Variants in ZNF423 observed in about 807,000 individuals in gnomAD.
ZNF423 encodes Ebf-associated zinc finger protein.
In ZNF423, 12 loss-of-function variants were observed where a neutral mutation model predicts 95.8. The ratio of observed to expected loss-of-function variants is 0.13; its 90% CI spans 0.08 to 0.20. The LOEUF (loss-of-function observed/expected upper bound fraction) is 0.20. ZNF423 is among the 10% of genes least tolerant of loss of function. ZNF423 has a pLI of 1.00. For synonymous variants in ZNF423, 749 were observed against 711.9 expected (o/e 1.05, Z -0.83); for missense variants, 1,316 against 1,737.1 (o/e 0.76, Z 4.31).
chr16:49,779,559 G>A (rs971825504), intron 2 of ZNF423, among the ~76,000 whole-genome samples: 3 of 152,106 alleles, frequency 2.0e-5, no homozygotes, highest in East Asian at 1.9e-4. Flanking sequence ...ACCCCAGGAC[G>A]CACAAGGCTG....
At chr16:49,828,079 TC>T (rs2035025075) in intron 1 of ZNF423, among the ~76,000 whole-genome samples, 1 of 152,216 alleles carries the variant, frequency 6.6e-6, no homozygotes, top group Non-Finnish European at 1.5e-5. Flanking sequence ...CACAGTGGCC[TC>T]CTGCCCAAAG....
chr16:49,730,051 A>G (rs1182176485), intron 3 of ZNF423, among the ~76,000 whole-genome samples: 1 of 152,124 alleles, frequency 6.6e-6, no homozygotes, highest in Non-Finnish European at 1.5e-5. Flanking sequence ...AGAGCCCAGA[A>G]ATGTGTCATC....
intron 5 of ZNF423, among the ~76,000 whole-genome samples, chr16:49,601,930 T>G (rs1971389196): frequency 1.3e-5 from 2 of 152,242 alleles, no homozygotes; most frequent in Admixed American, 1.3e-4. Context: ...ACAACCTTCA[T>G]GTCTCTAGGT....
At position 49,492,354 on chromosome 16, in the gene ZNF423, G is replaced by A. The variant is rs1967003643; in HGVS notation, c.3850-1050C>T. ...CCTTCTGGGCGCCCCCCAGGGCCCG[G>A]CGACTCCTGCAGCTGTGCCGCTGAC... On this transcript the variant is annotated intron_variant, in intron 7 of 7. Transcript: ENST00000563137. The surrounding 1 kb of genome is among the most constrained non-coding windows in gnomAD (Gnocchi z 4.2). 6.6e-6 allele frequency among the ~76,000 whole-genome samples: 1 copy of A among 152,172 alleles called. No homozygotes were observed.
intron 1 of ZNF423, among the ~76,000 whole-genome samples, chr16:49,818,715 A>G: frequency 6.6e-6 from 1 of 151,926 alleles, no homozygotes; most frequent in Admixed American, 6.6e-5. Context: ...GAGAGATCTC[A>G]TCTCTTAAAA....
chr16:49,521,158 A>G lies in ZNF423; in HGVS notation c.3849+2466T>C, dbSNP rs1218734271. ...TGAGCTAGGCCCCCAGCCCAGTGAC[A>G]CCAATGAAGCTCAAAAACGTCAGGA... On this transcript the variant is annotated intron_variant, in intron 7 of 7. Transcript: ENST00000563137. Among the ~76,000 whole-genome samples, 4 of 152,192 alleles carry G rather than the reference A, an allele frequency of 2.6e-5. No homozygotes were observed. In the East Asian group the frequency reaches 5.8e-4, roughly 22 times the overall value.
intron 2 of ZNF423, among the ~76,000 whole-genome samples, chr16:49,754,209 C>T (rs144410656): frequency 1.3e-5 from 2 of 150,248 alleles, no homozygotes; most frequent in East Asian, 4.0e-4. Flanking sequence ...CCTGCCCTCT[C>T]TCTACACACT....
At chr16:49,506,674 G>A (rs1019612204) in intron 7 of ZNF423, among the ~76,000 whole-genome samples, 5 of 152,026 alleles carry the variant, frequency 3.3e-5, no homozygotes, top group African/African-American at 1.2e-4. Context: ...TGGATGGAAA[G>A]GTGGGTGGAT....
chr16:49,575,334 G>C (rs551211798), intron 5 of ZNF423, among the ~76,000 whole-genome samples: 2 of 152,232 alleles, frequency 1.3e-5, no homozygotes, highest in African/African-American at 4.8e-5. Context: ...GGGAGTCCTG[G>C]CGGGTATTTA....
chr16:49,637,636 G>A lies in ZNF423; in HGVS notation c.1540C>T (p.Pro514Ser). The change falls in exon 4 of 8, where the codon CCC (proline) becomes TCC (serine). Residue 514 changes from proline to serine, a missense_variant. Pro to Ser is a moderately conservative substitution (Grantham distance 74). Transcript: ENST00000563137. The surrounding 1 kb of genome is among the most constrained non-coding windows in gnomAD (Gnocchi z 5.6). ...TTACCGTCAGAGGGGTTGGCGTTGG[G>A]GCCGCAGTGGGAGACGCGGATGTGC... The part of the protein sequence containing the change: ...QEHIRVSHCG[P>S]NANPSDGNNA... 1 of 1,614,038 alleles carries A rather than the reference G, an allele frequency of 6.2e-7. No homozygotes were observed. The highest frequency in any genetic ancestry group is 8.5e-7 in the Non-Finnish European group (1 of 1,180,032).
intron 3 of ZNF423, among the ~76,000 whole-genome samples, chr16:49,679,076 C>T (rs2031240860): frequency 6.6e-6 from 1 of 152,320 alleles, no homozygotes; most frequent in East Asian, 1.9e-4. Flanking sequence ...TCGAATAGCT[C>T]GGACTACAGG....
At chr16:49,529,913 G>A (rs1185902507) in intron 5 of ZNF423, among the ~76,000 whole-genome samples, 1 of 152,072 alleles carries the variant, frequency 6.6e-6, no homozygotes, top group Non-Finnish European at 1.5e-5. Flanking sequence ...AACCCCCCTC[G>A]GGAAAGCTGA....
intron 3 of ZNF423, chr16:49,711,609 A>G (rs1467601765): frequency 3.3e-5 from 5 of 152,216 alleles, no homozygotes; most frequent in Non-Finnish European, 7.3e-5. Context: ...AACAAAACCC[A>G]CTGTCAATTA....
intron 3 of ZNF423, among the ~76,000 whole-genome samples, chr16:49,689,597 G>A (rs937163651): frequency 2.6e-5 from 4 of 152,130 alleles, no homozygotes; most frequent in Non-Finnish European, 5.9e-5. Context: ...GACGGAACAA[G>A]GATATTGCCC....
At chr16:49,527,312 T>C (rs1968652393) in intron 5 of ZNF423, among the ~76,000 whole-genome samples, 1 of 152,226 alleles carries the variant, frequency 6.6e-6, no homozygotes, top group African/African-American at 2.4e-5. Context: ...CCATTTATAC[T>C]AGCAGAAAAG....
intron 1 of ZNF423, chr16:49,854,519 A>C: frequency 1.0e-6 from 1 of 985,480 alleles, no homozygotes; most frequent in African/African-American, 1.7e-5. Context: ...GCCAGAGGTC[A>C]TCAGGGGAGA....
intron 3 of ZNF423, among the ~76,000 whole-genome samples, chr16:49,668,809 G>A (rs1030335833): frequency 7.9e-5 from 12 of 152,312 alleles, no homozygotes; most frequent in African/African-American, 2.6e-4. Context: ...ACATGGGCTC[G>A]TGTTTGAATC....
At chr16:49,629,559 A>G (rs7196437) in intron 4 of ZNF423, among the ~76,000 whole-genome samples, 8,595 of 152,182 alleles carry the variant, frequency 0.056, 828 homozygotes, top group African/African-American at 0.19. Flanking sequence ...TTTTCACCCC[A>G]GAATGGGTCC....
At chr16:49,580,643 A>G (rs1400471130) in intron 5 of ZNF423, among the ~76,000 whole-genome samples, 3 of 152,204 alleles carry the variant, frequency 2.0e-5, no homozygotes, top group African/African-American at 7.2e-5. Context: ...ATGCATATCA[A>G]TCTTCCTTGT....
Sources: allele counts gnomAD v4.1 joint callset (sites outside exome capture counted in the v4.1 genomes callset), GRCh38; gene constraint gnomAD v4.1.1; non-coding constraint Gnocchi (gnomAD v3.1); transcripts MANE v1.5; gene names NCBI Gene and HGNC (gene_info 2026-07-23, HGNC 2026-07-21).